PIK3R4: variants seen among roughly 807,000 people sequenced by gnomAD.
The protein encoded by PIK3R4 is phosphoinositide-3-kinase regulatory subunit 4, also known as phosphoinositide 3-kinase regulatory subunit 4.
PIK3R4 carries 46 observed loss-of-function variants against 136.5 expected under a neutral mutation model. That is an observed-to-expected ratio of 0.34 (90% confidence interval 0.27 to 0.43). PIK3R4 has a LOEUF of 0.43. Among genes scored for constraint, PIK3R4 ranks in the 20% least tolerant of loss-of-function variants. PIK3R4 has a pLI of 1.00. For missense variants in PIK3R4, 1,331 were observed against 1,649.5 expected (o/e 0.81, Z 3.35); for synonymous variants, 557 against 566.7 (o/e 0.98, Z 0.24).
Position 130,733,573 on chromosome 3 carries a change from A to T in PIK3R4, c.1425T>A (p.Ala475=), listed in dbSNP as rs775309617. The T allele has an allele frequency of 6.2e-7, 1 of 1,612,664 alleles. No homozygotes were observed. Among genetic ancestry groups the T allele is most frequent in the East Asian group, 2.2e-5 (1 of 44,884 alleles). ...PGIAHLAQDD[A]TIVRLAYAEN... is the part of the protein sequence containing the mutation. Reference sequence around the variant, plus strand: ...CAGCATAGGCTAGTCTAACGATAGTAGCATCATCTTGGGCTAAGTGGGCTA... The same window carrying T: ...CAGCATAGGCTAGTCTAACGATAGTTGCATCATCTTGGGCTAAGTGGGCTA... Residue 475 remains alanine, a synonymous_variant, in exon 4 of 20, where the codon GCT becomes GCA. Transcript: ENST00000356763.
chr3:130,682,904 A>G (rs2066467734), intron 16 of PIK3R4, among the ~76,000 whole-genome samples: 1 of 152,194 alleles, frequency 6.6e-6, no homozygotes, highest in Non-Finnish European at 1.5e-5. Flanking sequence ...GAAGGTACTG[A>G]GCAGAAGAAA....
rs5852606 is a variant in PIK3R4, at chr3:130,728,686, TA to T, written c.1586-3del. The T allele has an allele frequency of 0.16, 154,994 of 997,096 alleles. 2 individuals carry two copies. The highest frequency in any genetic ancestry group is 0.17 in the Non-Finnish European group (126,013 of 747,532). The allele number at this position is 997,096 out of a possible 1,614,324, so 61.8% of individuals were successfully genotyped here. A position where few individuals can be genotyped will look rare whatever the true frequency, so the allele number is the denominator to read the frequency against. ...CCATTTCATGTAAGGCTTGGAGCTC[TA>T]AAAAAAAAAAAAAAAGAAAGAAAGA... On this transcript the variant is annotated splice_polypyrimidine_tract_variant and splice_region_variant and intron_variant, in intron 5 of 19. Transcript: ENST00000356763.
chr3:130,738,568 C>T (rs2066799726), intron 2 of PIK3R4, among the ~76,000 whole-genome samples: 1 of 151,932 alleles, frequency 6.6e-6, no homozygotes, highest in South Asian at 2.1e-4. Context: ...GCAACGAGCA[C>T]TAGATAGAGG....
rs1381681859 is a variant in PIK3R4, at chr3:130,716,513, A to G, written c.2214T>C (p.Ile738=). Residue 738 remains isoleucine (I), a synonymous_variant, in exon 9 of 20, where the codon ATT becomes ATC. Coordinates refer to ENST00000356763, the MANE Select transcript of PIK3R4 (RefSeq NM_014602.3). The part of the protein sequence containing the change: ...IFDYALRSKD[I]TSLFRHLHMR... Reference sequence around the variant, plus strand: ...TGTGAAGATGTCTGAACAAGCTAGTAATATCTTTAGACCTCAAAGCATAAT... The same window carrying G: ...TGTGAAGATGTCTGAACAAGCTAGTGATATCTTTAGACCTCAAAGCATAAT... The G allele has an allele frequency of 1.9e-6, 3 of 1,613,866 alleles. No homozygotes were observed. The highest frequency in any genetic ancestry group is 2.5e-6 in the Non-Finnish European group (3 of 1,179,712).
At chr3:130,715,342 T>C (rs923708259) in intron 9 of PIK3R4, among the ~76,000 whole-genome samples, 1 of 152,126 alleles carries the variant, frequency 6.6e-6, no homozygotes, top group Non-Finnish European at 1.5e-5. Context: ...CAGTCTGGTC[T>C]GGAATTCCTG....
intron 2 of PIK3R4, among the ~76,000 whole-genome samples, chr3:130,744,002 A>G (rs1027040234): frequency 1.3e-5 from 2 of 152,200 alleles, no homozygotes; most frequent in Admixed American, 1.3e-4. Flanking sequence ...TTCAGGTTTC[A>G]ATGTAAATAT....
intron 13 of PIK3R4, among the ~76,000 whole-genome samples, chr3:130,700,240 C>A (rs971591016): frequency 1.3e-5 from 2 of 152,170 alleles, no homozygotes; most frequent in African/African-American, 4.8e-5. Flanking sequence ...ACTTTCAACA[C>A]TACCAGTGAC....
chr3:130,714,130 T>A (rs1173679331), intron 9 of PIK3R4, among the ~76,000 whole-genome samples: 2 of 152,158 alleles, frequency 1.3e-5, no homozygotes, highest in Non-Finnish European at 2.9e-5. Flanking sequence ...AACAGAAAAA[T>A]GTGATTCAGA....
chr3:130,713,260 C>T (rs961711373), intron 9 of PIK3R4, among the ~76,000 whole-genome samples: 5 of 152,130 alleles, frequency 3.3e-5, no homozygotes, highest in Non-Finnish European at 7.3e-5. Flanking sequence ...AGGATTGTCC[C>T]CTAACCTTTA....
intron 13 of PIK3R4, among the ~76,000 whole-genome samples, chr3:130,699,866 T>C (rs2066566050): frequency 6.6e-6 from 1 of 152,130 alleles, no homozygotes; most frequent in Non-Finnish European, 1.5e-5. Context: ...TAAATCTGAG[T>C]TGATTCTTAG....
Position 130,745,046 on chromosome 3 carries a change from T to C in PIK3R4, c.173A>G (p.Gln58Arg), listed in dbSNP as rs1290146839. 6.2e-7 allele frequency: 1 copy of C among 1,613,966 alleles called. No homozygotes were observed. Among genetic ancestry groups the C allele is most frequent in the Non-Finnish European group, 8.5e-7 (1 of 1,179,992 alleles). ...GCTGGTTAAAGGCAATGTGGGATCC[T>C]GAATTGCAAAAACCTTCACAACGAC... ...GLVVVKVFAIQDPTLPLTSYK... is the reference protein window; with the variant it reads ...GLVVVKVFAIRDPTLPLTSYK... The change falls in exon 2 of 20, where the codon CAG (glutamine) becomes CGG (arginine). Residue 58 changes from glutamine to arginine, a missense_variant. Gln to Arg is a conservative substitution (Grantham distance 43, BLOSUM62 1). Transcript: ENST00000356763.
In PIK3R4 at chr3:130,690,609, G is replaced by A. The variant is rs2066511547; in HGVS notation, c.3144C>T (p.Leu1048=). The A allele has an allele frequency of 3.7e-6, 6 of 1,611,340 alleles. No homozygotes were observed. Among genetic ancestry groups the A allele is most frequent in the South Asian group, 1.1e-5 (1 of 90,864 alleles). ...YSRIGGRVKT[L]TFCQGSHYLA... is the part of the protein sequence containing the mutation. ...AATAGTGGGAGCCTTGGCAGAATGT[G>A]AGCGTCTTGACTCGTCCTCCAATTC... Residue 1048 remains leucine (L), a synonymous_variant, in exon 14 of 20, where the codon CTC becomes CTT. Coordinates refer to ENST00000356763, the MANE Select transcript of PIK3R4 (RefSeq NM_014602.3).
chr3:130,708,643 A>G (rs2066618338), intron 9 of PIK3R4, 151 bp from the exon 10 acceptor site: 1 of 651,894 alleles, frequency 1.5e-6, no homozygotes, highest in African/African-American at 1.8e-5. Context: ...TGAAAAATAA[A>G]GTTAACAATA....
intron 3 of PIK3R4, among the ~76,000 whole-genome samples, chr3:130,735,006 G>A (rs183699236): frequency 6.6e-6 from 1 of 152,234 alleles, no homozygotes; most frequent in African/African-American, 2.4e-5. Flanking sequence ...TTCTTTCGCA[G>A]TTCAGAAAAT....
chr3:130,697,937 T>C (rs1424622258), intron 13 of PIK3R4, among the ~76,000 whole-genome samples: 6 of 152,226 alleles, frequency 3.9e-5, no homozygotes, highest in Non-Finnish European at 8.8e-5. Context: ...ATTCCCTCTT[T>C]TTATTTATCT....
chr3:130,682,532 G>A (rs1448972682), intron 16 of PIK3R4, among the ~76,000 whole-genome samples: 1 of 152,128 alleles, frequency 6.6e-6, no homozygotes, highest in African/African-American at 2.4e-5. Context: ...ACCGCAGCAG[G>A]AGATCAAAGG....
At chr3:130,686,979 G>C (rs1235353587) in intron 14 of PIK3R4, among the ~76,000 whole-genome samples, 1 of 151,990 alleles carries the variant, frequency 6.6e-6, no homozygotes, top group Non-Finnish European at 1.5e-5. Context: ...GCCCTTCTCA[G>C]TGCATCATGT....
intron 7 of PIK3R4, among the ~76,000 whole-genome samples, chr3:130,721,664 G>A (rs1049862010): frequency 1.3e-5 from 2 of 152,076 alleles, no homozygotes; most frequent in African/African-American, 2.4e-5. Flanking sequence ...TGTTATGATC[G>A]AACTAATACA....
intron 4 of PIK3R4, among the ~76,000 whole-genome samples, chr3:130,731,409 A>C (rs918126988): frequency 1.2e-4 from 18 of 151,728 alleles, no homozygotes; most frequent in Admixed American, 1.2e-3. Flanking sequence ...CCTGGGTCCC[A>C]CTCCCCACCC....
Sources: allele counts gnomAD v4.1 joint callset (sites outside exome capture counted in the v4.1 genomes callset), GRCh38; gene constraint gnomAD v4.1.1; transcripts MANE v1.5; gene names NCBI Gene and HGNC (gene_info 2026-07-23, HGNC 2026-07-21).